The following PXDNL variants were observed in gnomAD, a reference collection of about 807,000 sequenced individuals.
PXDNL encodes the protein probable oxidoreductase PXDNL.
In PXDNL, 145 loss-of-function variants were observed where a neutral mutation model predicts 150.8. The observed-to-expected ratio is 0.96, with a 90% CI of 0.84 to 1.10. The LOEUF (loss-of-function observed/expected upper bound fraction) is 1.10, where lower values mean the gene tolerates loss of function less well. PXDNL is among the 50% of genes least tolerant of loss of function. The probability of loss-of-function intolerance (pLI) is 0.00; values close to 1 mark genes in which losing one functional copy is unlikely to be tolerated. For synonymous variants in PXDNL, 757 were observed against 725.7 expected, an observed-to-expected ratio of 1.04 and a Z score of -0.69; for missense variants, 2,087 against 1,873.9, an observed-to-expected ratio of 1.11 and a Z score of -2.10.
intron 1 of PXDNL, among the ~76,000 whole-genome samples, chr8:51,677,727 T>G (rs1815654914): frequency 6.6e-6 from 1 of 152,254 alleles, no homozygotes; most frequent in Non-Finnish European, 1.5e-5. Context: ...TAAATAGACA[T>G]ATACTACTTC....
intron 4 of PXDNL, among the ~76,000 whole-genome samples, chr8:51,542,031 T>C (rs1270611344): frequency 6.6e-6 from 1 of 152,190 alleles, no homozygotes; most frequent in African/African-American, 2.4e-5. Context: ...TACTAATAAG[T>C]TGCTAGTCAT....
intron 2 of PXDNL, among the ~76,000 whole-genome samples, chr8:51,628,439 T>C (rs2130749653): frequency 8.6e-6 from 1 of 116,950 alleles, no homozygotes; most frequent in Non-Finnish European, 1.7e-5. Flanking sequence ...AGAGTCTCAC[T>C]CTGTCACCCA....
Position 51,409,325 on chromosome 8 carries a change from GCCCGCGGGGCGCGCGGATGCCGTC to G in PXDNL, c.2275_2298del (p.Asp759_Gly766del). 1 of 1,436,042 alleles carries G rather than the reference GCCCGCGGGGCGCGCGGATGCCGTC, an allele frequency of 7.0e-7. No homozygotes were observed. Among genetic ancestry groups the G allele is most frequent in the African/African-American group, 1.5e-5 (1 of 67,322 alleles). The allele number at this position is 1,436,042 out of a possible 1,614,324, so 89.0% of individuals were successfully genotyped here. A position where few individuals can be genotyped will look rare whatever the true frequency, so the allele number is the denominator to read the frequency against. On this transcript the variant is annotated inframe_deletion, in exon 17 of 23. Transcript: ENST00000356297. ...TGGCGGGAGCCCACAGGAAGGCCGA[GCCCGCGGGGCGCGCGGATGCCGTC>G]CCGGTAGGCTGGCTGCAGCAGGCGC...
chr8:51,343,453 A>G (rs887285978), intron 20 of PXDNL, among the ~76,000 whole-genome samples: 1 of 152,360 alleles, frequency 6.6e-6, no homozygotes, highest in Non-Finnish European at 1.5e-5. Context: ...TCATAATTGT[A>G]AAGTGTATGT....
chr8:51,655,058 T>C (rs1815122538), intron 1 of PXDNL, among the ~76,000 whole-genome samples: 1 of 152,244 alleles, frequency 6.6e-6, no homozygotes, highest in African/African-American at 2.4e-5. Flanking sequence ...TAGGTTTTAT[T>C]TGTATGCCAG....
intron 19 of PXDNL, among the ~76,000 whole-genome samples, chr8:51,356,634 CT>C: frequency 6.6e-6 from 1 of 151,970 alleles, no homozygotes; most frequent in East Asian, 1.9e-4. Flanking sequence ...AAAATTTTTG[CT>C]TTATCTTTTA....
chr8:51,541,577 G>A (rs2130483042), intron 4 of PXDNL, among the ~76,000 whole-genome samples: 1 of 152,188 alleles, frequency 6.6e-6, no homozygotes, highest in African/African-American at 2.4e-5. Flanking sequence ...GCAGATCATT[G>A]TCCGGCCAAA....
At chr8:51,434,695 G>A (rs1328071036) in intron 12 of PXDNL, among the ~76,000 whole-genome samples, 3 of 152,116 alleles carry the variant, frequency 2.0e-5, no homozygotes, top group Non-Finnish European at 4.4e-5. Flanking sequence ...ATTCTAGTAT[G>A]CTCTACTGAA....
intron 2 of PXDNL, among the ~76,000 whole-genome samples, chr8:51,611,709 G>C (rs950524793): frequency 6.6e-6 from 1 of 152,162 alleles, no homozygotes; most frequent in Admixed American, 6.5e-5. Context: ...GGAATTGTCT[G>C]CCAAGTGGGA....
chr8:51,458,435 T>C lies in PXDNL; in HGVS notation c.813-768A>G, dbSNP rs182904203. 3.7e-3 allele frequency among the ~76,000 whole-genome samples: 570 copies of C among 152,328 alleles called. 1 individual carries two copies. The highest frequency in any genetic ancestry group is 0.013 in the African/African-American group (541 of 41,568). On this transcript the variant is annotated intron_variant, in intron 8 of 22. Coordinates refer to ENST00000356297, the MANE Select transcript of PXDNL (RefSeq NM_144651.5). ...TTTTTCTGGCAAAGATTTTTTTCCT[T>C]TAAAAATATTTAATGATTATGTATG... is the stretch of plus-strand genomic sequence containing the variant.
chr8:51,511,759 C>G (rs1241583293), intron 4 of PXDNL, among the ~76,000 whole-genome samples: 1 of 152,034 alleles, frequency 6.6e-6, no homozygotes, highest in Admixed American at 6.6e-5. Flanking sequence ...GAGAAGTGCC[C>G]GAGAAGGGGG....
chr8:51,597,261 A>T (rs1813590877), intron 2 of PXDNL, among the ~76,000 whole-genome samples: 1 of 152,090 alleles, frequency 6.6e-6, no homozygotes, highest in Non-Finnish European at 1.5e-5. Flanking sequence ...CCAGTGGTCT[A>T]TGTGTCTGTT....
chr8:51,360,042 CAAAAAAA>C (rs1366137848), intron 19 of PXDNL, among the ~76,000 whole-genome samples: 1 of 85,612 alleles, frequency 1.2e-5, no homozygotes, highest in South Asian at 3.9e-4. Context: ...AAGAGAAAAG[CAAAAAAA>C]AAAAAAAAAG....
chr8:51,421,607 G>C (rs1808955346), intron 14 of PXDNL, among the ~76,000 whole-genome samples: 1 of 152,158 alleles, frequency 6.6e-6, no homozygotes, highest in South Asian at 2.1e-4. Flanking sequence ...GCTGGGGCAG[G>C]AGAATTGCTT....
intron 1 of PXDNL, among the ~76,000 whole-genome samples, chr8:51,684,419 A>G (rs1815826886): frequency 2.0e-5 from 3 of 152,308 alleles, no homozygotes; most frequent in Middle Eastern, 3.4e-3. Flanking sequence ...AAAATTTCCC[A>G]GCAGACATTA....
intron 14 of PXDNL, 48 bp from the exon 15 acceptor site, chr8:51,413,306 T>G: frequency 8.7e-7 from 1 of 1,149,844 alleles, no homozygotes; most frequent in Non-Finnish European, 1.3e-6. Flanking sequence ...GACCTTGAAG[T>G]TAGGCATGAT....
chr8:51,672,777 C>T (rs1181177728), intron 1 of PXDNL, among the ~76,000 whole-genome samples: 1 of 151,930 alleles, frequency 6.6e-6, no homozygotes, highest in Non-Finnish European at 1.5e-5. Context: ...GTTCTATAAA[C>T]TAAAAATAAT....
At chr8:51,699,162 C>T (rs13270001) in intron 1 of PXDNL, among the ~76,000 whole-genome samples, 115,359 of 152,056 alleles carry the variant, frequency 0.76, 43,831 homozygotes, top group East Asian at 0.82. Context: ...ATCTGTCCTT[C>T]GAAGATTTGA....
chr8:51,319,860 C>A lies in PXDNL; in HGVS notation c.*31G>T. 1 of 1,441,880 alleles carries A rather than the reference C, an allele frequency of 6.9e-7. No homozygotes were observed. Among genetic ancestry groups the A allele is most frequent in the Non-Finnish European group, 9.2e-7 (1 of 1,091,262 alleles). 89.3% of individuals were successfully genotyped at this position (1,441,880 alleles called of 1,614,324 possible). A position where few individuals can be genotyped will look rare whatever the true frequency, so the allele number is the denominator to read the frequency against. On this transcript the variant is annotated 3_prime_UTR_variant, in exon 23 of 23. Coordinates refer to ENST00000356297, the MANE Select transcript of PXDNL (RefSeq NM_144651.5). ...TAAATGTCTCTTCCTGAGAAATTTC[C>A]CATTTGGGGCTCAACAGCACAAAAC... is the stretch of plus-strand genomic sequence containing the variant.
Sources: allele counts gnomAD v4.1 joint callset (sites outside exome capture counted in the v4.1 genomes callset), GRCh38; gene constraint gnomAD v4.1.1; transcripts MANE v1.5; gene names NCBI Gene and HGNC (gene_info 2026-07-23, HGNC 2026-07-21).